Variants in MED13L observed in about 807,000 individuals in gnomAD.
The protein encoded by MED13L is mediator complex subunit 13L, also known as mediator of RNA polymerase II transcription subunit 13-like.
Under a neutral mutation model 220.9 loss-of-function variants are expected in MED13L, and 7 were observed. That is an observed-to-expected ratio of 0.03 (90% CI 0.02 to 0.06). The LOEUF (loss-of-function observed/expected upper bound fraction) is 0.06, where lower values mean the gene tolerates loss of function less well. MED13L is among the 10% of genes least tolerant of loss of function. MED13L has a pLI of 1.00. For synonymous variants in MED13L, 1,011 were observed against 1,015.2 expected, an observed-to-expected ratio of 1.00 and a Z score of 0.08; for missense variants, 1,965 against 2,760.5, an observed-to-expected ratio of 0.71 and a Z score of 6.46.
At chr12:116,270,370 C>T (rs1873200223) in intron 1 of MED13L, among the ~76,000 whole-genome samples, 2 of 152,096 alleles carry the variant, frequency 1.3e-5, no homozygotes, top group South Asian at 4.1e-4. Context: ...TCTCAATCTC[C>T]TGACCTCGTG....
intron 25 of MED13L, among the ~76,000 whole-genome samples, chr12:115,974,898 G>T (rs1373838672): frequency 2.6e-5 from 4 of 152,018 alleles, no homozygotes; most frequent in Admixed American, 2.0e-4. Context: ...ATAAATAAAT[G>T]TTCGAAATGT....
chr12:116,064,849 G>T (rs548156894), intron 4 of MED13L, among the ~76,000 whole-genome samples: 1 of 152,312 alleles, frequency 6.6e-6, no homozygotes, highest in East Asian at 1.9e-4. Context: ...TAAATGGTAT[G>T]AGGACAAGGG....
At chr12:116,049,391 A>G (rs922749113) in intron 4 of MED13L, among the ~76,000 whole-genome samples, 5 of 152,218 alleles carry the variant, frequency 3.3e-5, no homozygotes, top group African/African-American at 1.2e-4. Flanking sequence ...CCCACAACAA[A>G]TAAGCATGGA....
At chr12:116,217,825 A>T (rs947474277) in intron 2 of MED13L, among the ~76,000 whole-genome samples, 3 of 152,248 alleles carry the variant, frequency 2.0e-5, no homozygotes, top group African/African-American at 7.2e-5. Flanking sequence ...AAAAACACAC[A>T]GCAAGAGTAA....
At position 115,975,592 on chromosome 12, in the gene MED13L, G is replaced by A; in HGVS notation, c.5511C>T (p.Arg1837=). The change falls in exon 24 of 31, where the codon CGC becomes CGT. Residue 1837 remains arginine (R), a synonymous_variant. Coordinates refer to ENST00000281928, the MANE Select transcript of MED13L (RefSeq NM_015335.5). ...FVGYCLSHDQ[R]WLLASCTDLH... Reference sequence around the variant, plus strand: ...GGTCAGTGCAGGAAGCCAAAAGCCAGCGCTGGTCGTGAGACAGACAATAGC... The same window carrying A: ...GGTCAGTGCAGGAAGCCAAAAGCCAACGCTGGTCGTGAGACAGACAATAGC... 2 of 1,614,162 alleles carry A rather than the reference G, an allele frequency of 1.2e-6. No homozygotes were observed. The highest frequency in any genetic ancestry group is 1.7e-6 in the Non-Finnish European group (2 of 1,180,010).
At chr12:116,249,523 A>C (rs1236510157) in intron 1 of MED13L, among the ~76,000 whole-genome samples, 3 of 152,136 alleles carry the variant, frequency 2.0e-5, no homozygotes, top group Non-Finnish European at 4.4e-5. Context: ...CACTTAACAG[A>C]AACAGACCCA....
At chr12:116,101,812 A>G (rs1219248074) in intron 3 of MED13L, among the ~76,000 whole-genome samples, 2 of 152,216 alleles carry the variant, frequency 1.3e-5, no homozygotes, top group Non-Finnish European at 1.5e-5. Context: ...CAAATAAATA[A>G]ATCAAGCAGA....
At chr12:116,270,114 T>G (rs1221607394) in intron 1 of MED13L, among the ~76,000 whole-genome samples, 1 of 151,948 alleles carries the variant, frequency 6.6e-6, no homozygotes, top group Non-Finnish European at 1.5e-5. Flanking sequence ...AGCTAATATG[T>G]GAGGATAAAA....
rs531143275 is a variant in MED13L at position 116,253,876 on chromosome 12, C to T, written c.73-16171G>A. ...CTGGGTTCAAGAGATTCTCGTGCCTCGGCCTCCTGAGTAGCTGAGATTACA... is the reference window on the plus strand; with the variant it reads ...CTGGGTTCAAGAGATTCTCGTGCCTTGGCCTCCTGAGTAGCTGAGATTACA... On this transcript the variant is annotated intron_variant, in intron 1 of 30. Coordinates refer to ENST00000281928, the MANE Select transcript of MED13L (RefSeq NM_015335.5). Among the ~76,000 whole-genome samples, 3 of 149,718 alleles carry T rather than the reference C, an allele frequency of 2.0e-5. 1 individual carries two copies. The highest frequency in any genetic ancestry group is 6.7e-5 in the Admixed American group (1 of 14,948).
At chr12:116,078,670 A>G (rs1862997) in intron 4 of MED13L, among the ~76,000 whole-genome samples, 2,970 of 152,298 alleles carry the variant, frequency 0.02, 54 homozygotes, top group Middle Eastern at 0.054. Context: ...TCTCAGTACA[A>G]TGTGAGACCT....
intron 14 of MED13L, among the ~76,000 whole-genome samples, chr12:115,998,509 C>G (rs978226294): frequency 6.6e-5 from 10 of 152,208 alleles, no homozygotes. Context: ...GTCACTTCCC[C>G]CCTTGGGGCC....
intron 7 of MED13L, among the ~76,000 whole-genome samples, chr12:116,018,097 A>G (rs1472718384): frequency 6.6e-6 from 1 of 152,166 alleles, no homozygotes; most frequent in African/African-American, 2.4e-5. Flanking sequence ...CCACTTGTAT[A>G]TGACTTTATT....
Position 116,237,694 on chromosome 12 carries a change from C to T in MED13L, c.84G>A (p.Thr28=), listed in dbSNP as rs752751569. ...HSNLFSLAEL[T]GIKWRRYNFG... ...AATTGTACCTACGCCATTTGATTCC[C>T]GTGAGTTCAGCCTGGAAAAAGACAA... The change falls in exon 2 of 31, where the codon ACG becomes ACA. Residue 28 remains threonine (T), a synonymous_variant. Transcript: ENST00000281928. 3 of 1,614,114 alleles carry T rather than the reference C, an allele frequency of 1.9e-6. No individual in the cohort carries two copies. The highest frequency in any genetic ancestry group is 1.7e-6 in the Non-Finnish European group (2 of 1,180,002).
intron 2 of MED13L, among the ~76,000 whole-genome samples, chr12:116,212,076 C>A (rs1882730878): frequency 1.3e-5 from 2 of 152,134 alleles, no homozygotes; most frequent in Non-Finnish European, 2.9e-5. Flanking sequence ...TAAGTCCTCA[C>A]TTAATACTGT....
intron 2 of MED13L, among the ~76,000 whole-genome samples, chr12:116,132,486 G>A (rs1344656607): frequency 6.6e-6 from 1 of 151,928 alleles, no homozygotes; most frequent in East Asian, 1.9e-4. Flanking sequence ...CAAAACATTA[G>A]CATTTGGAGT....
At chr12:115,977,119 C>T (rs1268895746) in intron 23 of MED13L, among the ~76,000 whole-genome samples, 1 of 152,210 alleles carries the variant, frequency 6.6e-6, no homozygotes, top group Non-Finnish European at 1.5e-5. Context: ...TGCCACTGCA[C>T]TTCAGCCTGG....
intron 4 of MED13L, among the ~76,000 whole-genome samples, chr12:116,059,162 G>A (rs1193002883): frequency 6.6e-6 from 1 of 152,136 alleles, no homozygotes; most frequent in African/African-American, 2.4e-5. Flanking sequence ...CAACTTCCCA[G>A]ACTCAAGCAA....
At chr12:116,210,605 G>T (rs1171555714) in intron 2 of MED13L, among the ~76,000 whole-genome samples, 1 of 139,862 alleles carries the variant, frequency 7.1e-6, no homozygotes, top group Non-Finnish European at 1.5e-5. Flanking sequence ...GTATCAGAGA[G>T]CCCTAAAATC....
At chr12:116,177,677 A>G (rs1880170947) in intron 2 of MED13L, among the ~76,000 whole-genome samples, 1 of 152,192 alleles carries the variant, frequency 6.6e-6, no homozygotes, top group Non-Finnish European at 1.5e-5. Context: ...ATTAATGATT[A>G]TCTACCTGAA....
Sources: allele counts gnomAD v4.1 joint callset (sites outside exome capture counted in the v4.1 genomes callset), GRCh38; gene constraint gnomAD v4.1.1; transcripts MANE v1.5; gene names NCBI Gene and HGNC (gene_info 2026-07-23, HGNC 2026-07-21).